Variants in LRRFIP1 observed in about 807,000 individuals in gnomAD.
The protein encoded by LRRFIP1 is leucine-rich repeat flightless-interacting protein 1.
A neutral mutation model predicts 104.4 loss-of-function variants in LRRFIP1; 62 were observed. The observed-to-expected ratio is 0.59, with a 90% CI of 0.48 to 0.73. The LOEUF (loss-of-function observed/expected upper bound fraction) is 0.73, where lower values mean the gene tolerates loss of function less well. Ranked by LOEUF, LRRFIP1 falls within the 30% of genes least tolerant of loss-of-function variation. The pLI is 0.00. For synonymous variants in LRRFIP1, 300 were observed against 299.0 expected, an observed-to-expected ratio of 1.00 and a Z score of -0.03; for missense variants, 796 against 824.5, an observed-to-expected ratio of 0.97 and a Z score of 0.42.
In LRRFIP1 at chr2:237,696,019, G is replaced by A. The variant is rs117438692; in HGVS notation, c.97-12525G>A. Among the ~76,000 whole-genome samples the A allele has an allele frequency of 2.8e-4, 43 of 152,192 alleles. No individual in the cohort carries two copies. In the East Asian group the frequency reaches 7.5e-3, roughly 27 times the overall value. On this transcript the variant is annotated intron_variant, in intron 1 of 23. Coordinates refer to ENST00000308482, the MANE Select transcript of LRRFIP1 (RefSeq NM_001137550.2). ...TGGCAACAGAAATTATATGTATTCC[G>A]AGACTCATTCATTCATTTTGGAAAG...
rs1419208279 is a variant in LRRFIP1, at chr2:237,697,183, C to T, written c.97-11361C>T. Among the ~76,000 whole-genome samples the T allele has an allele frequency of 5.9e-5, 9 of 152,124 alleles. No homozygotes were observed. The East Asian group carries it at 7.7e-4, about 13-fold the overall frequency. On this transcript the variant is annotated intron_variant, in intron 1 of 23. Coordinates refer to ENST00000308482, the MANE Select transcript of LRRFIP1 (RefSeq NM_001137550.2). ...GACTACAGGTGCCTGCCACCTCACC[C>T]GGCTAATTTTTGTATTTTTAGTAGA...
chr2:237,746,054 T>C (rs939521524), intron 11 of LRRFIP1, among the ~76,000 whole-genome samples: 2 of 145,758 alleles, frequency 1.4e-5, no homozygotes, highest in Non-Finnish European at 3.0e-5. Flanking sequence ...ATTTATTTTA[T>C]TTTATTTATT....
chr2:237,683,233 G>C (rs2092023781), intron 1 of LRRFIP1, among the ~76,000 whole-genome samples: 1 of 152,232 alleles, frequency 6.6e-6, no homozygotes, highest in South Asian at 2.1e-4. Flanking sequence ...TGGAATCTCA[G>C]CAACTAAAAT....
rs141738573 is a variant in LRRFIP1, at chr2:237,745,399, C to T, written c.634-2965C>T. Among the ~76,000 whole-genome samples the T allele has an allele frequency of 1.3e-4, 20 of 152,318 alleles. No homozygotes were observed. In the South Asian group the frequency reaches 2.9e-3, roughly 22 times the overall value. ...TTTTTAGTTTTTCTCTGCATGGTCT[C>T]TACTTAAAAATATGCCCAGATTTTA... On this transcript the variant is annotated intron_variant, in intron 11 of 23. Coordinates refer to ENST00000308482, the MANE Select transcript of LRRFIP1 (RefSeq NM_001137550.2).
intron 11 of LRRFIP1, among the ~76,000 whole-genome samples, chr2:237,744,985 G>C (rs1433604141): frequency 6.6e-6 from 1 of 152,274 alleles, no homozygotes; most frequent in African/African-American, 2.4e-5. Context: ...ATGCCATGCA[G>C]TGGCCGTGAC....
At chr2:237,752,782 T>A (rs2058783442) in intron 14 of LRRFIP1, among the ~76,000 whole-genome samples, 1 of 152,220 alleles carries the variant, frequency 6.6e-6, no homozygotes. Flanking sequence ...CATTTTCCTA[T>A]GAGTCAAAAA....
intron 1 of LRRFIP1, among the ~76,000 whole-genome samples, chr2:237,644,757 ACTC>A (rs1371275484): frequency 1.3e-5 from 2 of 151,882 alleles, no homozygotes; most frequent in African/African-American, 2.4e-5. Context: ...TTCACCTTGG[ACTC>A]CTCCAATCCA....
At chr2:237,680,350 GA>G (rs933443619) in intron 1 of LRRFIP1, among the ~76,000 whole-genome samples, 3 of 151,822 alleles carry the variant, frequency 2.0e-5, no homozygotes, top group African/African-American at 2.4e-5. Flanking sequence ...AAAATATTTG[GA>G]AAAAAAATGG....
chr2:237,770,022 C>T, intron 20 of LRRFIP1, 30 bp downstream of exon 20: 1 of 1,573,722 alleles, frequency 6.4e-7, no homozygotes, highest in Non-Finnish European at 8.7e-7. Flanking sequence ...TTTACCGGTT[C>T]ATGAACAGGG....
At chr2:237,756,065 C>A (rs771642825) in intron 15 of LRRFIP1, 30 bp from the exon 16 acceptor site, 2 of 1,509,294 alleles carry the variant, frequency 1.3e-6, no homozygotes, top group African/African-American at 1.4e-5. Flanking sequence ...TGGGATTCCA[C>A]TGCTTTAGTG....
intron 1 of LRRFIP1, among the ~76,000 whole-genome samples, chr2:237,665,046 A>G (rs1210449150): frequency 4.6e-5 from 7 of 152,266 alleles, no homozygotes; most frequent in Non-Finnish European, 2.9e-5. Context: ...AGTTCTTCAC[A>G]TCACTTTAAG....
chr2:237,672,649 T>C (rs2090523083), intron 1 of LRRFIP1, among the ~76,000 whole-genome samples: 1 of 152,226 alleles, frequency 6.6e-6, no homozygotes, highest in African/African-American at 2.4e-5. Context: ...TGAAAAAATA[T>C]TGAACCATTT....
chr2:237,754,349 G>A lies in LRRFIP1; in HGVS notation c.1038+870G>A, dbSNP rs567591306. On this transcript the variant is annotated intron_variant, in intron 15 of 23. Coordinates refer to ENST00000308482, the MANE Select transcript of LRRFIP1 (RefSeq NM_001137550.2). ...TCTGAGCTTTCATTAGGAACCACTG[G>A]AACTAGTTTGTTAATAGCTGAGATC... is the stretch of plus-strand genomic sequence containing the variant. 1.1e-4 allele frequency among the ~76,000 whole-genome samples: 16 copies of A among 152,300 alleles called. No individual in the cohort carries two copies. The South Asian group carries it at 3.3e-3, about 32-fold the overall frequency.
rs752035899 is a variant in LRRFIP1 at position 237,649,849 on chromosome 2, A to C, written c.96+22109A>C. 6.7e-5 allele frequency among the ~76,000 whole-genome samples: 10 copies of C among 148,226 alleles called. No homozygotes were observed. The highest frequency in any genetic ancestry group is 2.1e-4 in the South Asian group (1 of 4,700). On this transcript the variant is annotated intron_variant, in intron 1 of 23. Coordinates refer to ENST00000308482, the MANE Select transcript of LRRFIP1 (RefSeq NM_001137550.2). This position sits in a 1 kb window ranked among gnomAD's most constrained non-coding sequence, Gnocchi z 4.1. Reference sequence around the variant, plus strand: ...ATTCACTTTTCCTCCGATTCAACAAAAAAAAAAATTGATTACCCCCCGGCA... The same window carrying C: ...ATTCACTTTTCCTCCGATTCAACAACAAAAAAAATTGATTACCCCCCGGCA...
At chr2:237,775,140 G>A (rs1396435456) in intron 23 of LRRFIP1, among the ~76,000 whole-genome samples, 2 of 152,232 alleles carry the variant, frequency 1.3e-5, no homozygotes, top group African/African-American at 4.8e-5. Context: ...GTCCATAAAA[G>A]TGACCACAGG....
At chr2:237,631,060 A>G (rs1224381615) in intron 1 of LRRFIP1, among the ~76,000 whole-genome samples, 1 of 152,240 alleles carries the variant, frequency 6.6e-6, no homozygotes, top group South Asian at 2.1e-4. Context: ...GTGACCTGTC[A>G]GACTCATCCT....
At chr2:237,676,517 G>GT (rs2149594267) in intron 1 of LRRFIP1, among the ~76,000 whole-genome samples, 1 of 152,130 alleles carries the variant, frequency 6.6e-6, no homozygotes, top group South Asian at 2.1e-4. Flanking sequence ...GTTTCGTTTT[G>GT]TTTTTTGAGA....
At chr2:237,746,123 A>T (rs891079371) in intron 11 of LRRFIP1, among the ~76,000 whole-genome samples, 1 of 149,930 alleles carries the variant, frequency 6.7e-6, no homozygotes, top group African/African-American at 2.5e-5. Flanking sequence ...CAGTGGCATG[A>T]TCTCAGCTCA....
chr2:237,770,023 A>G (rs748131463), intron 20 of LRRFIP1, 31 bp downstream of exon 20: 5 of 1,570,794 alleles, frequency 3.2e-6, no homozygotes, highest in Non-Finnish European at 4.3e-6. Context: ...TTACCGGTTC[A>G]TGAACAGGGC....
Sources: allele counts gnomAD v4.1 joint callset (sites outside exome capture counted in the v4.1 genomes callset), GRCh38; gene constraint gnomAD v4.1.1; non-coding constraint Gnocchi (gnomAD v3.1); transcripts MANE v1.5; gene names NCBI Gene and HGNC (gene_info 2026-07-23, HGNC 2026-07-21).